The following DLG2 variants were observed in gnomAD, a reference collection of about 807,000 sequenced individuals.
DLG2 encodes the protein discs large MAGUK scaffold protein 2.
DLG2 carries 45 observed loss-of-function variants against 132.5 expected under a neutral mutation model. The observed-to-expected ratio is 0.34, with a 90% CI of 0.27 to 0.44. The LOEUF is 0.44. Ranked by LOEUF, DLG2 falls within the 20% of genes least tolerant of loss-of-function variation. The pLI is 1.00. For synonymous variants in DLG2, 424 were observed against 419.6 expected (o/e 1.01, Z -0.13); for missense variants, 1,045 against 1,196.9 (o/e 0.87, Z 1.87).
intron 4 of DLG2, among the ~76,000 whole-genome samples, chr11:85,209,340 G>A (rs1186577830): frequency 6.6e-6 from 1 of 151,212 alleles, no homozygotes; most frequent in African/African-American, 2.4e-5. Context: ...CTTGTACTAG[G>A]GCTGGTACAA....
At chr11:84,322,714 C>G (rs57094853) in intron 7 of DLG2, among the ~76,000 whole-genome samples, 1 of 151,758 alleles carries the variant, frequency 6.6e-6, no homozygotes, top group Non-Finnish European at 1.5e-5. Flanking sequence ...CTCAGCATCC[C>G]GAGTAGCTGG....
At chr11:85,122,404 C>T (rs1217833775) in intron 5 of DLG2, among the ~76,000 whole-genome samples, 1 of 152,060 alleles carries the variant, frequency 6.6e-6, no homozygotes, top group Non-Finnish European at 1.5e-5. Context: ...AAAACAGGCA[C>T]AACGAAGAAA....
At chr11:84,103,102 G>A (rs934894724) in intron 9 of DLG2, among the ~76,000 whole-genome samples, 3 of 152,062 alleles carry the variant, frequency 2.0e-5, no homozygotes, top group African/African-American at 7.2e-5. Context: ...GCTGGGTCTG[G>A]CCAGTCATCA....
At chr11:84,343,831 A>C (rs1337218828) in intron 7 of DLG2, among the ~76,000 whole-genome samples, 1 of 152,192 alleles carries the variant, frequency 6.6e-6, no homozygotes, top group African/African-American at 2.4e-5. Flanking sequence ...TTTTTTTCCT[A>C]ATATAGACAT....
rs887165556 is a variant in DLG2 at position 85,227,543 on chromosome 11, C to A, written c.186+57677G>T. The stretch of plus-strand genomic sequence containing the variant: ...AAACTCACTGATATAAAGCTAGTAT[C>A]AAAAATGAGCAAATAAATCTGTAAG... On this transcript the variant is annotated intron_variant, in intron 4 of 27. Coordinates refer to ENST00000376104, the MANE Select transcript of DLG2 (RefSeq NM_001142699.3). Among the ~76,000 whole-genome samples the A allele has an allele frequency of 6.6e-5, 10 of 152,058 alleles. No homozygotes were observed. The East Asian group carries it at 7.7e-4, about 12-fold the overall frequency.
intron 7 of DLG2, among the ~76,000 whole-genome samples, chr11:84,261,103 G>A (rs914824621): frequency 2.6e-5 from 4 of 152,148 alleles, no homozygotes; most frequent in African/African-American, 9.7e-5. Context: ...CCAGATTTAG[G>A]TGCCAGAATT....
chr11:84,800,303 A>C (rs2153956181), intron 6 of DLG2, among the ~76,000 whole-genome samples: 1 of 152,322 alleles, frequency 6.6e-6, no homozygotes, highest in South Asian at 2.1e-4. Flanking sequence ...TTTAGTTTTA[A>C]AATACACAGC....
At chr11:85,237,185 G>A (rs1176240864) in intron 4 of DLG2, among the ~76,000 whole-genome samples, 1 of 152,050 alleles carries the variant, frequency 6.6e-6, no homozygotes, top group African/African-American at 2.4e-5. Context: ...TGCTTCCAAA[G>A]CAGAAAAGAA....
chr11:83,588,902 G>C (rs1457022113), intron 19 of DLG2, among the ~76,000 whole-genome samples: 6 of 151,060 alleles, frequency 4.0e-5, no homozygotes, highest in Non-Finnish European at 7.4e-5. Flanking sequence ...GATGGAAGAT[G>C]AAATGAATGA....
intron 6 of DLG2, among the ~76,000 whole-genome samples, chr11:84,644,502 C>T (rs1008524280): frequency 5.9e-5 from 9 of 151,756 alleles, no homozygotes; most frequent in East Asian, 5.8e-4. Context: ...GTCAGGAGAT[C>T]GAGACCATCC....
At position 84,713,089 on chromosome 11, in the gene DLG2, C is replaced by T. The variant is rs117718550; in HGVS notation, c.358-178358G>A. Among the ~76,000 whole-genome samples, 908 of 152,228 alleles carry T rather than the reference C, an allele frequency of 6.0e-3. 4 individuals are homozygous for T. The highest frequency in any genetic ancestry group is 0.01 in the Non-Finnish European group (686 of 67,986). ...TGACTCCTCTCATCAGTGTACCTTA[C>T]ATTCAAATTCAGGTGTGCATAAATG... On this transcript the variant is annotated intron_variant, in intron 6 of 27. Transcript: ENST00000376104.
chr11:84,295,348 T>C (rs959360691), intron 7 of DLG2, among the ~76,000 whole-genome samples: 3 of 152,206 alleles, frequency 2.0e-5, no homozygotes, highest in Non-Finnish European at 4.4e-5. Flanking sequence ...ATAATTATAA[T>C]AGTAACATAA....
intron 9 of DLG2, among the ~76,000 whole-genome samples, chr11:84,116,313 G>C (rs1269964519): frequency 6.6e-6 from 1 of 152,158 alleles, no homozygotes; most frequent in East Asian, 1.9e-4. Flanking sequence ...CAATAAAAAG[G>C]ATATCCCTGT....
chr11:85,522,934 G>A (rs2074431487), intron 3 of DLG2, among the ~76,000 whole-genome samples: 1 of 152,182 alleles, frequency 6.6e-6, no homozygotes, highest in Non-Finnish European at 1.5e-5. Context: ...AATGAGTTAA[G>A]ACATTGGGTG....
At chr11:83,663,253 T>G (rs2074766463) in intron 18 of DLG2, among the ~76,000 whole-genome samples, 1 of 152,190 alleles carries the variant, frequency 6.6e-6, no homozygotes. Context: ...AAGTATTAAA[T>G]GTCAGATCTG....
intron 3 of DLG2, among the ~76,000 whole-genome samples, chr11:85,301,247 A>G (rs2079567276): frequency 1.3e-5 from 2 of 152,078 alleles, no homozygotes; most frequent in Admixed American, 1.3e-4. Context: ...AAGGACAAAG[A>G]GAATGGTATA....
At chr11:84,595,012 G>T (rs767204551) in intron 6 of DLG2, among the ~76,000 whole-genome samples, 1 of 152,176 alleles carries the variant, frequency 6.6e-6, no homozygotes, top group Non-Finnish European at 1.5e-5. Context: ...GCAAAAAGTA[G>T]ATCACAAAAT....
intron 8 of DLG2, among the ~76,000 whole-genome samples, chr11:84,198,634 CT>C (rs1292522868): frequency 1.3e-5 from 2 of 152,118 alleles, no homozygotes; most frequent in African/African-American, 4.8e-5. Context: ...TGACAATTAT[CT>C]ACAATTAGTC....
At chr11:84,220,775 C>CTTTTTTTTTTTTTTT (rs2096901971) in intron 8 of DLG2, among the ~76,000 whole-genome samples, 1 of 112,300 alleles carries the variant, frequency 8.9e-6, no homozygotes, top group African/African-American at 3.3e-5. Flanking sequence ...TTTTCTTTTT[C>CTTTTTTTTTTTTTTT]TTTTCTTTTT....
Sources: gnomAD v4.1 joint callset for allele counts (sites outside exome capture counted in the v4.1 genomes callset) on GRCh38, gnomAD v4.1.1 for gene constraint, MANE v1.5 for transcripts, NCBI Gene and HGNC (gene_info 2026-07-23, HGNC 2026-07-21) for gene names.